Variants in ANKRD31 observed in about 807,000 individuals in gnomAD.
ANKRD31 encodes the protein ankyrin repeat domain-containing protein 31.
In ANKRD31, 147 loss-of-function variants were observed where a neutral mutation model predicts 186.0. The observed-to-expected ratio is 0.79, with a 90% confidence interval of 0.69 to 0.91. The LOEUF (loss-of-function observed/expected upper bound fraction) is 0.91, where lower values mean the gene tolerates loss of function less well. ANKRD31 is among the 40% of genes least tolerant of loss of function. The pLI, the probability that ANKRD31 is intolerant of heterozygous loss-of-function variation, is 0.00. For synonymous variants in ANKRD31, 673 were observed against 736.4 expected (o/e 0.91, Z 1.39); for missense variants, 1,986 against 2,148.8 (o/e 0.92, Z 1.50).
intron 22 of ANKRD31, among the ~76,000 whole-genome samples, chr5:75,097,978 T>C (rs1245481528): frequency 6.6e-6 from 1 of 152,078 alleles, no homozygotes; most frequent in African/African-American, 2.4e-5. Flanking sequence ...AGATGTGTGG[T>C]ATTATTTCTG....
chr5:75,172,424 CTT>C (rs1753405138), intron 10 of ANKRD31, among the ~76,000 whole-genome samples: 1 of 147,386 alleles, frequency 6.8e-6, no homozygotes, highest in Admixed American at 6.7e-5. Flanking sequence ...ACAAAAAAAA[CTT>C]AAAAAAATCA....
rs114549647 is a variant in ANKRD31, at chr5:75,235,654, C to T, written c.104+929G>A. Among the ~76,000 whole-genome samples the T allele has an allele frequency of 4.3e-3, 656 of 152,300 alleles. 10 individuals are homozygous for T. Among genetic ancestry groups the T allele is most frequent in the African/African-American group, 0.015 (629 of 41,566 alleles). Reference sequence around the variant, plus strand: ...CTCACCTCCCAGCCCTGCCCCAAGGCTGGCCCTAGCCTCAGAGCAGACACC... The same window carrying T: ...CTCACCTCCCAGCCCTGCCCCAAGGTTGGCCCTAGCCTCAGAGCAGACACC... On this transcript the variant is annotated intron_variant, in intron 1 of 25. Transcript: ENST00000506364.
chr5:75,116,365 T>A (rs1423685306), intron 19 of ANKRD31, among the ~76,000 whole-genome samples: 1 of 151,852 alleles, frequency 6.6e-6, no homozygotes, highest in Admixed American at 6.6e-5. Flanking sequence ...CATATGTAAC[T>A]AACCTGCACA....
At chr5:75,114,242 G>C (rs554857960) in intron 19 of ANKRD31, among the ~76,000 whole-genome samples, 1 of 152,154 alleles carries the variant, frequency 6.6e-6, no homozygotes, top group African/African-American at 2.4e-5. Context: ...CCTCTTCTCT[G>C]TCTGGATTCC....
At chr5:75,214,179 A>C (rs1756822202) in intron 3 of ANKRD31, among the ~76,000 whole-genome samples, 1 of 152,202 alleles carries the variant, frequency 6.6e-6, no homozygotes, top group African/African-American at 2.4e-5. Flanking sequence ...CAGTATTCTT[A>C]AATGTTGACA....
At chr5:75,100,495 G>A (rs747658474) in intron 22 of ANKRD31, among the ~76,000 whole-genome samples, 25 of 151,946 alleles carry the variant, frequency 1.6e-4, no homozygotes, top group South Asian at 4.1e-4. Flanking sequence ...TTTCTGTCTC[G>A]TTGATCTGTC....
At position 75,222,280 on chromosome 5, in the gene ANKRD31, A is replaced by G. The variant is rs1263187039; in HGVS notation, c.257T>C (p.Met86Thr). 1 of 1,536,660 alleles carries G rather than the reference A, an allele frequency of 6.5e-7. No individual in the cohort carries two copies. Among genetic ancestry groups the G allele is most frequent in the Admixed American group, 2.0e-5 (1 of 50,980 alleles). The change falls in exon 3 of 26, where the codon ATG (methionine) becomes ACG (threonine). Residue 86 changes from methionine (M) to threonine (T), a missense_variant. Coordinates refer to ENST00000506364, the MANE Select transcript of ANKRD31 (RefSeq NM_001372053.1). ...LQEQMNKNKMMPVLSEDTILQ... is the reference protein window; with the variant it reads ...LQEQMNKNKMTPVLSEDTILQ... ...TATTGTATCCTCGCTAAGAACAGGC[A>G]TCATCTTATTTTTATTCATTTGCTC...
chr5:75,123,022 G>T (rs1471302658), intron 17 of ANKRD31, among the ~76,000 whole-genome samples: 3 of 152,042 alleles, frequency 2.0e-5, no homozygotes, highest in African/African-American at 7.2e-5. Context: ...CTGATAATAT[G>T]CTCGTAAACC....
At chr5:75,222,101 T>C (rs1341990157) in intron 3 of ANKRD31, 148 bp downstream of exon 3, 6 of 534,954 alleles carry the variant, frequency 1.1e-5, no homozygotes, top group Non-Finnish European at 1.3e-5. Flanking sequence ...AGAAATAGAA[T>C]GACTAGTTAA....
intron 25 of ANKRD31, among the ~76,000 whole-genome samples, chr5:75,070,852 G>C (rs964813542): frequency 1.3e-5 from 2 of 152,178 alleles, no homozygotes; most frequent in African/African-American, 4.8e-5. Context: ...CAGTACTTTG[G>C]GAGGCCAAGA....
At chr5:75,131,108 A>G (rs78758163) in intron 17 of ANKRD31, among the ~76,000 whole-genome samples, 8,342 of 152,134 alleles carry the variant, frequency 0.055, 536 homozygotes, top group African/African-American at 0.15. Flanking sequence ...ACCCAGAACC[A>G]GCACCGGCCC....
At chr5:75,217,416 A>T (rs1247002505) in intron 3 of ANKRD31, among the ~76,000 whole-genome samples, 1 of 152,188 alleles carries the variant, frequency 6.6e-6, no homozygotes, top group African/African-American at 2.4e-5. Flanking sequence ...AGTTGGGTGC[A>T]TACAGATTTA....
chr5:75,129,955 C>T (rs1003468245), intron 17 of ANKRD31, among the ~76,000 whole-genome samples: 1 of 152,170 alleles, frequency 6.6e-6, no homozygotes, highest in Non-Finnish European at 1.5e-5. Context: ...TTCCAGTGGT[C>T]GTAGTGTGTT....
chr5:75,163,911 T>C (rs2150178741), intron 11 of ANKRD31, among the ~76,000 whole-genome samples: 1 of 152,340 alleles, frequency 6.6e-6, no homozygotes, highest in East Asian at 1.9e-4. Context: ...AAAATATGTC[T>C]GTAAATTTAA....
intron 14 of ANKRD31, 51 bp from the exon 15 acceptor site, chr5:75,144,222 T>C (rs528823076): frequency 1.8e-5 from 7 of 395,508 alleles, no homozygotes; most frequent in Admixed American, 8.8e-5. Context: ...TACCTGGTTA[T>C]ACAATTAGAA....
chr5:75,158,849 G>T (rs1434628721), intron 11 of ANKRD31, among the ~76,000 whole-genome samples: 1 of 151,854 alleles, frequency 6.6e-6, no homozygotes, highest in Admixed American at 6.6e-5. Context: ...AAACACTAAA[G>T]TATGACCCAT....
chr5:75,185,602 A>G (rs902006990), intron 10 of ANKRD31, among the ~76,000 whole-genome samples: 1 of 151,994 alleles, frequency 6.6e-6, no homozygotes, highest in African/African-American at 2.4e-5. Context: ...ATGGTGTCCT[A>G]TTGAAGAGTT....
chr5:75,206,910 G>A (rs1297908095), intron 4 of ANKRD31, among the ~76,000 whole-genome samples: 1 of 152,116 alleles, frequency 6.6e-6, no homozygotes, highest in Non-Finnish European at 1.5e-5. Flanking sequence ...ATTTCTCCAG[G>A]CATTACTTAT....
At chr5:75,074,350 TAG>T (rs1744463357) in intron 25 of ANKRD31, among the ~76,000 whole-genome samples, 1 of 152,324 alleles carries the variant, frequency 6.6e-6, no homozygotes, top group Middle Eastern at 3.4e-3. Context: ...TCTACTGCAC[TAG>T]GTCTCCCTAA....
Sources: allele counts gnomAD v4.1 joint callset (sites outside exome capture counted in the v4.1 genomes callset), GRCh38; gene constraint gnomAD v4.1.1; transcripts MANE v1.5; gene names NCBI Gene and HGNC (gene_info 2026-07-23, HGNC 2026-07-21).